Variants in CENPW observed in about 807,000 individuals in gnomAD.
CENPW encodes cancer-up-regulated gene 2 protein.
A neutral mutation model predicts 11.1 loss-of-function variants in CENPW; 3 were observed. The ratio of observed to expected loss-of-function variants is 0.27; its 90% CI spans 0.12 to 0.70. CENPW has a LOEUF of 0.70. Among genes scored for constraint, CENPW ranks in the 30% least tolerant of loss-of-function variants. The pLI, the probability that CENPW is intolerant of heterozygous loss-of-function variation, is 0.77. For missense variants in CENPW, 100 were observed against 105.6 expected, an observed-to-expected ratio of 0.95 and a Z score of 0.23; for synonymous variants, 38 against 42.0, an observed-to-expected ratio of 0.91 and a Z score of 0.37.
the CENPW span, among the ~76,000 whole-genome samples, chr6:126,370,095 T>A: frequency 3.3e-5 from 5 of 152,196 alleles, no homozygotes; most frequent in Admixed American, 3.3e-4. Context: ...TATTTGGCTT[T>A]ATTTCTGGGT....
At chr6:126,458,294 G>C in the CENPW span, among the ~76,000 whole-genome samples, 2 of 151,228 alleles carry the variant, frequency 1.3e-5, no homozygotes, top group Non-Finnish European at 3.0e-5. Flanking sequence ...CCTCAAAGGG[G>C]ATCTTACTGC....
chr6:126,411,264 T>C, the CENPW span, among the ~76,000 whole-genome samples: 2 of 152,156 alleles, frequency 1.3e-5, no homozygotes, highest in Non-Finnish European at 2.9e-5. Context: ...TCAACAATAA[T>C]TGTTGGTGGC....
chr6:126,347,821 T>A (rs538696452), intron 2 of CENPW, among the ~76,000 whole-genome samples: 119 of 151,992 alleles, frequency 7.8e-4, no homozygotes, highest in African/African-American at 2.2e-3. Flanking sequence ...AGTTTTTTTT[T>A]AAAAAAAGAG....
the CENPW span, among the ~76,000 whole-genome samples, chr6:126,380,142 G>GATTT: frequency 1.4e-4 from 22 of 152,306 alleles, no homozygotes; most frequent in Admixed American, 2.6e-4. Context: ...ACTGGAAGTT[G>GATTT]ATTTAAGCTC....
At chr6:126,432,264 C>T in the CENPW span, among the ~76,000 whole-genome samples, 1 of 151,970 alleles carries the variant, frequency 6.6e-6, no homozygotes, top group Non-Finnish European at 1.5e-5. Context: ...CCCTATGTTC[C>T]CAATACACTT....
the CENPW span, among the ~76,000 whole-genome samples, chr6:126,401,534 G>A: frequency 6.6e-6 from 1 of 151,780 alleles, no homozygotes; most frequent in Non-Finnish European, 1.5e-5. Flanking sequence ...TCATCTTTGG[G>A]GATTTCTAAT....
the CENPW span, among the ~76,000 whole-genome samples, chr6:126,410,561 T>G: frequency 6.6e-6 from 1 of 151,980 alleles, no homozygotes; most frequent in East Asian, 1.9e-4. Context: ...TGGCAATTTT[T>G]CAGCAATTAT....
the CENPW span, among the ~76,000 whole-genome samples, chr6:126,405,080 A>G: frequency 6.6e-6 from 1 of 152,034 alleles, no homozygotes; most frequent in Admixed American, 6.6e-5. Context: ...TAAATGTCCA[A>G]TGTCCAATAT....
chr6:126,427,553 C>G, the CENPW span, among the ~76,000 whole-genome samples: 3 of 152,198 alleles, frequency 2.0e-5, no homozygotes. Flanking sequence ...ACCCTCCTTA[C>G]ACTACCTCAC....
the CENPW span, among the ~76,000 whole-genome samples, chr6:126,466,121 C>A: frequency 1.3e-5 from 2 of 152,070 alleles, no homozygotes; most frequent in African/African-American, 2.4e-5. Context: ...TTTTCAAAAC[C>A]TTTAGAAATT....
At chr6:126,374,511 T>C in the CENPW span, among the ~76,000 whole-genome samples, 1 of 152,160 alleles carries the variant, frequency 6.6e-6, no homozygotes. Context: ...GGCATAGACA[T>C]GGTTTGGGAG....
chr6:126,407,102 G>A, the CENPW span, among the ~76,000 whole-genome samples: 1 of 152,006 alleles, frequency 6.6e-6, no homozygotes, highest in Non-Finnish European at 1.5e-5. Context: ...CTCCCCAACA[G>A]TCCCCATTGT....
At chr6:126,437,370 G>T in the CENPW span, among the ~76,000 whole-genome samples, 1 of 151,844 alleles carries the variant, frequency 6.6e-6, no homozygotes, top group Non-Finnish European at 1.5e-5. Flanking sequence ...TTTTGACTCT[G>T]GCCCAGTTGA....
At chr6:126,362,827 G>T in the CENPW span, among the ~76,000 whole-genome samples, 2 of 151,848 alleles carry the variant, frequency 1.3e-5, no homozygotes, top group Admixed American at 6.6e-5. Context: ...AGGCTTTTTG[G>T]AGTTAAGATT....
At chr6:126,421,699 T>C in the CENPW span, among the ~76,000 whole-genome samples, 1 of 152,082 alleles carries the variant, frequency 6.6e-6, no homozygotes, top group Non-Finnish European at 1.5e-5. Context: ...ACCTTCAGTC[T>C]TGGGTAAATC....
intron 1 of CENPW, among the ~76,000 whole-genome samples, chr6:126,342,013 G>A (rs958965573): frequency 6.6e-6 from 1 of 152,176 alleles, no homozygotes; most frequent in Non-Finnish European, 1.5e-5. Context: ...TAGTATGCTC[G>A]TCGTGTTTGG....
At chr6:126,420,838 G>T in the CENPW span, among the ~76,000 whole-genome samples, 2 of 152,124 alleles carry the variant, frequency 1.3e-5, no homozygotes, top group South Asian at 4.1e-4. Flanking sequence ...TGAAGGCCAG[G>T]TTCAGTTTCT....
the CENPW span, among the ~76,000 whole-genome samples, chr6:126,392,832 G>T: frequency 5.3e-5 from 8 of 151,906 alleles, no homozygotes; most frequent in African/African-American, 1.9e-4. Flanking sequence ...GAAGTATTTT[G>T]CTCTTTCTCT....
chr6:126,478,175 T>C, the CENPW span, among the ~76,000 whole-genome samples: 83 of 152,134 alleles, frequency 5.5e-4, no homozygotes, highest in African/African-American at 1.8e-3. Flanking sequence ...TTTGGTGGAA[T>C]AGCTTCTCCC....
Sources: allele counts gnomAD v4.1 joint callset (sites outside exome capture counted in the v4.1 genomes callset), GRCh38; gene constraint gnomAD v4.1.1; transcripts MANE v1.5; gene names NCBI Gene and HGNC (gene_info 2026-07-23, HGNC 2026-07-21).